The following MEGF10 variants were observed in gnomAD, a reference collection of about 807,000 sequenced individuals.
The protein encoded by MEGF10 is multiple EGF like domains 10.
In MEGF10, 86 loss-of-function variants were observed where a neutral mutation model predicts 147.5. The observed-to-expected ratio is 0.58, with a 90% CI of 0.49 to 0.70. The LOEUF (loss-of-function observed/expected upper bound fraction) is 0.70. Ranked by LOEUF, MEGF10 falls within the 30% of genes least tolerant of loss-of-function variation. The pLI is 0.00. For missense variants in MEGF10, 1,329 were observed against 1,487.3 expected, an observed-to-expected ratio of 0.89 and a Z score of 1.75; for synonymous variants, 478 against 525.5, an observed-to-expected ratio of 0.91 and a Z score of 1.24.
chr5:127,292,091 G>A (rs982698541), intron 1 of MEGF10, among the ~76,000 whole-genome samples: 1 of 152,078 alleles, frequency 6.6e-6, no homozygotes, highest in Admixed American at 6.6e-5. Flanking sequence ...GAAATACTGG[G>A]GCCAATTTAT....
At chr5:127,417,315 T>A (rs542043147) in intron 9 of MEGF10, among the ~76,000 whole-genome samples, 1 of 152,338 alleles carries the variant, frequency 6.6e-6, no homozygotes, top group African/African-American at 2.4e-5. Flanking sequence ...GGAGTTTTTT[T>A]AGCTCCTCTC....
At chr5:127,365,597 G>C (rs1762623319) in intron 4 of MEGF10, among the ~76,000 whole-genome samples, 1 of 152,174 alleles carries the variant, frequency 6.6e-6, no homozygotes, top group Admixed American at 6.5e-5. Flanking sequence ...GACATGGCCT[G>C]TTCTTCTCAT....
intron 8 of MEGF10, among the ~76,000 whole-genome samples, chr5:127,409,199 A>C (rs907188855): frequency 6.6e-6 from 1 of 152,216 alleles, no homozygotes; most frequent in African/African-American, 2.4e-5. Flanking sequence ...ATTTCTTTGA[A>C]GTATGTTTCT....
At chr5:127,240,286 G>A in the MEGF10 span, among the ~76,000 whole-genome samples, 1 of 152,126 alleles carries the variant, frequency 6.6e-6, no homozygotes, top group African/African-American at 2.4e-5. Flanking sequence ...TTAGCATGAA[G>A]CCCCAGCATG....
rs878920083 is a variant in MEGF10, at chr5:127,434,011, T to C, written c.1840+502T>C. 7.9e-5 allele frequency among the ~76,000 whole-genome samples: 12 copies of C among 152,370 alleles called. No individual in the cohort carries two copies. In the South Asian group the frequency reaches 8.3e-4, roughly 11 times the overall value. On this transcript the variant is annotated intron_variant, in intron 14 of 24. Transcript: ENST00000503335. The stretch of plus-strand genomic sequence containing the variant: ...TGTTGACATTGGTCCTTAAGACTTC[T>C]GAGTTAGAAGATTAAGTAATCTTTT...
chr5:127,348,454 CA>C (rs1761973782), intron 4 of MEGF10, among the ~76,000 whole-genome samples: 1 of 152,004 alleles, frequency 6.6e-6, no homozygotes, highest in Admixed American at 6.6e-5. Context: ...TCTCAAACTA[CA>C]AAGGCAATGA....
chr5:127,249,325 C>T, the MEGF10 span, among the ~76,000 whole-genome samples: 3 of 151,028 alleles, frequency 2.0e-5, no homozygotes, highest in Non-Finnish European at 4.4e-5. Flanking sequence ...CTGGCGCAAT[C>T]ACTAATACAT....
At chr5:127,316,069 A>AG in intron 1 of MEGF10, among the ~76,000 whole-genome samples, 1 of 152,338 alleles carries the variant, frequency 6.6e-6, no homozygotes, top group South Asian at 2.1e-4. Context: ...CTTTTTATCA[A>AG]TGGAGATGCA....
At chr5:127,416,312 G>C (rs1159089127) in intron 9 of MEGF10, among the ~76,000 whole-genome samples, 1 of 151,962 alleles carries the variant, frequency 6.6e-6, no homozygotes, top group Non-Finnish European at 1.5e-5. Flanking sequence ...ACAAGTTTGA[G>C]CCACCATGCC....
chr5:127,309,477 A>C (rs1185534941), intron 1 of MEGF10, among the ~76,000 whole-genome samples: 1 of 152,136 alleles, frequency 6.6e-6, no homozygotes, highest in African/African-American at 2.4e-5. Flanking sequence ...GGCAACCACC[A>C]TTCTACTTTC....
intron 1 of MEGF10, among the ~76,000 whole-genome samples, chr5:127,308,025 G>A (rs935280826): frequency 3.9e-5 from 6 of 152,200 alleles, no homozygotes; most frequent in Admixed American, 3.9e-4. Flanking sequence ...TACAGCTGTG[G>A]CCTGCTTTGT....
chr5:127,313,005 C>T (rs1303772328), intron 1 of MEGF10, among the ~76,000 whole-genome samples: 1 of 152,074 alleles, frequency 6.6e-6, no homozygotes, highest in African/African-American at 2.4e-5. Context: ...AAATGATGAA[C>T]ATGAATCTGG....
At chr5:127,307,262 A>C (rs1760056457) in intron 1 of MEGF10, among the ~76,000 whole-genome samples, 1 of 152,170 alleles carries the variant, frequency 6.6e-6, no homozygotes, top group African/African-American at 2.4e-5. Flanking sequence ...CTTTCTTCAC[A>C]AGACAAAGAG....
the MEGF10 span, among the ~76,000 whole-genome samples, chr5:127,279,401 A>G: frequency 6.6e-6 from 1 of 152,264 alleles, no homozygotes; most frequent in East Asian, 1.9e-4. Flanking sequence ...AGGATGGAGA[A>G]CATGTTCATT....
At chr5:127,386,058 T>C (rs938861341) in intron 5 of MEGF10, among the ~76,000 whole-genome samples, 2 of 152,198 alleles carry the variant, frequency 1.3e-5, no homozygotes, top group Non-Finnish European at 2.9e-5. Flanking sequence ...CAGTGAGCTA[T>C]GTTTGTGCCA....
At chr5:127,362,061 A>G (rs1251913275) in intron 4 of MEGF10, among the ~76,000 whole-genome samples, 1 of 151,378 alleles carries the variant, frequency 6.6e-6, no homozygotes, top group East Asian at 2.0e-4. Context: ...CAAATCTACT[A>G]TATCTTTTCT....
In MEGF10 at chr5:127,396,693, C is replaced by T. The variant is rs779873887; in HGVS notation, c.574C>T (p.His192Tyr). The change falls in exon 6 of 25, where the codon CAT becomes TAT. Residue 192 changes from histidine (H) to tyrosine (Y), a missense_variant. By Grantham distance (83) the His-to-Tyr change is moderately conservative (BLOSUM62 2). Transcript: ENST00000503335. ...CEQGTYGNDC[H>Y]QRCQCQNGAT... Reference sequence around the variant, plus strand: ...GCAGGGCACCTATGGTAACGACTGTCATCAGAGATGCCAGTGCCAGAATGG... The same window carrying T: ...GCAGGGCACCTATGGTAACGACTGTTATCAGAGATGCCAGTGCCAGAATGG... 2.5e-6 allele frequency: 4 copies of T among 1,614,112 alleles called. No homozygotes were observed. In the South Asian group the frequency reaches 4.4e-5, roughly 18 times the overall value.
chr5:127,433,418 G>C lies in MEGF10; in HGVS notation c.1749G>C (p.Leu583=). 1.2e-6 allele frequency: 2 copies of C among 1,614,114 alleles called. No homozygotes were observed. Reference sequence around the variant, plus strand: ...GACGCTGGGGCCCCAACTGCTCCCTGCCCTGCTACTGTAAAAATGGGGCTT... The same window carrying C: ...GACGCTGGGGCCCCAACTGCTCCCTCCCCTGCTACTGTAAAAATGGGGCTT... ...AEGRWGPNCS[L]PCYCKNGASC... The change falls in exon 14 of 25, where the codon CTG becomes CTC. Residue 583 remains leucine (L), a synonymous_variant. Coordinates refer to ENST00000503335, the MANE Select transcript of MEGF10 (RefSeq NM_001256545.2).
At chr5:127,291,895 T>G (rs1421668100) in intron 1 of MEGF10, among the ~76,000 whole-genome samples, 1 of 152,172 alleles carries the variant, frequency 6.6e-6, no homozygotes, top group Non-Finnish European at 1.5e-5. Context: ...TAGGAGAAAG[T>G]CAAAGTTGGA....
Sources: allele counts gnomAD v4.1 joint callset (sites outside exome capture counted in the v4.1 genomes callset), GRCh38; gene constraint gnomAD v4.1.1; transcripts MANE v1.5; gene names NCBI Gene and HGNC (gene_info 2026-07-23, HGNC 2026-07-21).